PCDHGA7: variants seen among roughly 807,000 people sequenced by gnomAD.
PCDHGA7 encodes protocadherin gamma-A7.
Under a neutral mutation model 58.3 loss-of-function variants are expected in PCDHGA7, and 44 were observed. The observed-to-expected ratio is 0.75, with a 90% CI of 0.59 to 0.97. The LOEUF (loss-of-function observed/expected upper bound fraction) is 0.97. Among genes scored for constraint, PCDHGA7 ranks in the 50% least tolerant of loss-of-function variants. The pLI, the probability that PCDHGA7 is intolerant of heterozygous loss-of-function variation, is 0.00. For synonymous variants in PCDHGA7, 516 were observed against 504.2 expected (o/e 1.02, Z -0.31); for missense variants, 1,266 against 1,188.7 (o/e 1.06, Z -0.96).
chr5:141,418,579 A>C, intron 1 of PCDHGA7: 1 of 1,614,000 alleles, frequency 6.2e-7, no homozygotes. Context: ...ACAACCCCCC[A>C]GTGTTCAGCC....
intron 1 of PCDHGA7, chr5:141,404,026 A>T: frequency 6.2e-7 from 1 of 1,613,874 alleles, no homozygotes; most frequent in Non-Finnish European, 8.5e-7. Context: ...CAGTGAGAGA[A>T]GACGCACCTC....
intron 3 of PCDHGA7, 73 bp from the exon 4 acceptor site, chr5:141,510,874 G>A (rs1419164967): frequency 3.7e-6 from 6 of 1,610,008 alleles, no homozygotes; most frequent in Admixed American, 1.7e-5. Context: ...TTCATTAACT[G>A]CTGGGGATAT....
intron 1 of PCDHGA7, among the ~76,000 whole-genome samples, chr5:141,433,995 CT>C (rs2097669147): frequency 2.6e-5 from 4 of 152,028 alleles, no homozygotes; most frequent in Admixed American, 2.0e-4. Flanking sequence ...GTTTTATATT[CT>C]CTATATATGT....
rs1212248484 is a variant in PCDHGA7 at position 141,393,163 on chromosome 5, T to C, written c.2424+7840T>C. ...CTGGTTGAGGATAAAGGAAAACTCT[T>C]TGGGGTAGAAATAGAAATAATTGAT... On this transcript the variant is annotated intron_variant, in intron 1 of 3. Transcript: ENST00000518325. 1.9e-6 allele frequency: 3 copies of C among 1,613,134 alleles called. No homozygotes were observed. In the Admixed American group the frequency reaches 5.0e-5, roughly 27 times the overall value.
intron 1 of PCDHGA7, chr5:141,390,281 G>A (rs995951705): frequency 1.9e-6 from 3 of 1,613,968 alleles, no homozygotes; most frequent in Middle Eastern, 1.6e-4. Context: ...CTTCCCATCA[G>A]GTGAGTTTCC....
rs749044339 is a variant in PCDHGA7, at chr5:141,477,410, G to A, written c.2425-17397G>A. On this transcript the variant is annotated intron_variant, in intron 1 of 3. Coordinates refer to ENST00000518325, the MANE Select transcript of PCDHGA7 (RefSeq NM_018920.4). This position sits in a 1 kb window ranked among gnomAD's most constrained non-coding sequence, Gnocchi z 4.9. ...CAACCTCAGCATCACCGCCCGAGAC[G>A]CCGGAACCCCTTCCCTCTCAGCCCT... 66 of 1,613,988 alleles carry A rather than the reference G, an allele frequency of 4.1e-5. 1 individual carries two copies. The South Asian group carries it at 7.0e-4, about 17-fold the overall frequency.
chr5:141,511,345 T>TC lies in PCDHGA7; in HGVS notation c.*179dup, dbSNP rs535135679. The TC allele has an allele frequency of 6.6e-4, 924 of 1,410,366 alleles. 3 individuals are homozygous for TC. The African/African-American group carries it at 0.011, about 17-fold the overall frequency. 87.4% of individuals were successfully genotyped at this position (1,410,366 alleles called of 1,614,324 possible). ...AAGTGCCCAGTCAGCACCTACCCCT[T>TC]CCCCCCCAGGGGGTTGAATATGCAA... On this transcript the variant is annotated 3_prime_UTR_variant, in exon 4 of 4. Coordinates refer to ENST00000518325, the MANE Select transcript of PCDHGA7 (RefSeq NM_018920.4).
chr5:141,475,981 G>A, intron 1 of PCDHGA7: 1 of 1,042,940 alleles, frequency 9.6e-7, no homozygotes, highest in Non-Finnish European at 1.4e-6. Context: ...CTGAACAGCC[G>A]GCGAGCAAAT....
chr5:141,385,420 A>T, intron 1 of PCDHGA7, 97 bp downstream of exon 1: 1 of 1,465,218 alleles, frequency 6.8e-7, no homozygotes, highest in Non-Finnish European at 9.0e-7. Flanking sequence ...AGGGATTTAA[A>T]AAACTTTATA....
At chr5:141,410,363 C>T (rs1341289640) in intron 1 of PCDHGA7, 6 of 1,614,068 alleles carry the variant, frequency 3.7e-6, no homozygotes, top group Non-Finnish European at 3.4e-6. Flanking sequence ...CTCTCTCAGC[C>T]CTGCTACTTG....
intron 1 of PCDHGA7, among the ~76,000 whole-genome samples, chr5:141,482,530 CAA>C (rs3074545): frequency 2.5e-4 from 19 of 76,528 alleles, no homozygotes; most frequent in East Asian, 4.2e-4. Context: ...GACAGACATG[CAA>C]AAAAAAAAAA....
At chr5:141,504,302 C>T (rs969760258) in intron 2 of PCDHGA7, among the ~76,000 whole-genome samples, 9 of 152,004 alleles carry the variant, frequency 5.9e-5, no homozygotes, top group African/African-American at 1.5e-4. Context: ...TTTCAACACT[C>T]GGAGTTTCTA....
chr5:141,404,081 G>A (rs1436868245), intron 1 of PCDHGA7: 10 of 1,613,302 alleles, frequency 6.2e-6, no homozygotes, highest in South Asian at 2.2e-5. Context: ...CCGAGACTCC[G>A]GGAAGAATGG....
At chr5:141,449,349 G>C (rs191322076) in intron 1 of PCDHGA7, among the ~76,000 whole-genome samples, 2 of 152,074 alleles carry the variant, frequency 1.3e-5, no homozygotes, top group African/African-American at 4.8e-5. Flanking sequence ...GCTCACTCCT[G>C]TAATCCCAGC....
intron 1 of PCDHGA7, among the ~76,000 whole-genome samples, chr5:141,448,877 G>A (rs1421211206): frequency 6.6e-6 from 1 of 152,112 alleles, no homozygotes; most frequent in African/African-American, 2.4e-5. Flanking sequence ...CCTGGGAGGC[G>A]GAGCTTGCAG....
At chr5:141,407,974 G>A (rs1229330658) in intron 1 of PCDHGA7, 3 of 728,612 alleles carry the variant, frequency 4.1e-6, no homozygotes, top group African/African-American at 1.8e-5. Context: ...CGCTGACGCC[G>A]GGGATCCGTC....
Position 141,394,128 on chromosome 5 carries a change from G to A in PCDHGA7, c.2424+8805G>A, listed in dbSNP as rs371610257. 2.0e-5 allele frequency: 32 copies of A among 1,613,612 alleles called. No homozygotes were observed. The highest frequency in any genetic ancestry group is 4.0e-5 in the African/African-American group (3 of 74,844). ...ACCTCTGTCCACTGAAACTCAAATC[G>A]CTCTGCACGTGGCAGACATTAACGA... On this transcript the variant is annotated intron_variant, in intron 1 of 3. Transcript: ENST00000518325.
chr5:141,394,547 G>A, intron 1 of PCDHGA7: 8 of 1,614,098 alleles, frequency 5.0e-6, no homozygotes, highest in Non-Finnish European at 6.8e-6. Context: ...TGGAGCTGGC[G>A]CCCCGCTCCG....
chr5:141,457,264 C>T (rs2098915249), intron 1 of PCDHGA7, among the ~76,000 whole-genome samples: 1 of 152,142 alleles, frequency 6.6e-6, no homozygotes, highest in South Asian at 2.1e-4. Flanking sequence ...ATAGAATTCC[C>T]CTCTGTGGGC....
Sources: allele counts gnomAD v4.1 joint callset (sites outside exome capture counted in the v4.1 genomes callset), GRCh38; gene constraint gnomAD v4.1.1; non-coding constraint Gnocchi (gnomAD v3.1); transcripts MANE v1.5; gene names NCBI Gene and HGNC (gene_info 2026-07-23, HGNC 2026-07-21).